TULP4: variants seen among roughly 807,000 people sequenced by gnomAD.
TULP4 encodes the protein TUB like protein 4, also known as tubby-related protein 4.
Under a neutral mutation model 129.0 loss-of-function variants are expected in TULP4, and 16 were observed. The ratio of observed to expected loss-of-function variants is 0.12; its 90% CI spans 0.08 to 0.19. The LOEUF is 0.19. TULP4 is among the 10% of genes least tolerant of loss of function. The probability of loss-of-function intolerance (pLI) is 1.00; values close to 1 mark genes in which losing one functional copy is unlikely to be tolerated. For missense variants in TULP4, 1,842 were observed against 2,059.1 expected, an observed-to-expected ratio of 0.89 and a Z score of 2.04; for synonymous variants, 998 against 854.0, an observed-to-expected ratio of 1.17 and a Z score of -2.94.
At chr6:158,397,671 A>G (rs972605934) in intron 1 of TULP4, among the ~76,000 whole-genome samples, 1 of 152,192 alleles carries the variant, frequency 6.6e-6, no homozygotes, top group Non-Finnish European at 1.5e-5. Context: ...ACACCCCTGT[A>G]CTAAAGGCTC....
intron 1 of TULP4, among the ~76,000 whole-genome samples, chr6:158,339,909 C>T (rs137966813): frequency 2.0e-5 from 3 of 152,194 alleles, no homozygotes; most frequent in Non-Finnish European, 4.4e-5. Flanking sequence ...CATAGGAAAT[C>T]ACAAGAATAT....
At chr6:158,399,128 A>T (rs1343653894) in intron 1 of TULP4, among the ~76,000 whole-genome samples, 1 of 152,184 alleles carries the variant, frequency 6.6e-6, no homozygotes, top group African/African-American at 2.4e-5. Context: ...GAGTCTGAAG[A>T]TTGGTAGTTT....
intron 1 of TULP4, among the ~76,000 whole-genome samples, chr6:158,343,406 G>A (rs762032210): frequency 4.6e-5 from 7 of 152,124 alleles, no homozygotes; most frequent in African/African-American, 1.2e-4. Context: ...TGAGTGTTAC[G>A]GGCTGAACAT....
intron 1 of TULP4, among the ~76,000 whole-genome samples, chr6:158,400,355 A>G (rs1200544381): frequency 6.6e-6 from 1 of 152,200 alleles, no homozygotes; most frequent in Non-Finnish European, 1.5e-5. Context: ...ATTACAGTCA[A>G]CCCAAAAGAA....
intron 2 of TULP4, among the ~76,000 whole-genome samples, chr6:158,423,084 C>T (rs1778388026): frequency 6.8e-6 from 1 of 146,638 alleles, no homozygotes; most frequent in Non-Finnish European, 1.5e-5. Flanking sequence ...GGAGACCTGC[C>T]TGGGCAATAC....
At chr6:158,363,062 C>CAAAAAA (rs11373437) in intron 1 of TULP4, among the ~76,000 whole-genome samples, 3 of 87,994 alleles carry the variant, frequency 3.4e-5, no homozygotes, top group South Asian at 4.5e-4. Context: ...GACTCCATCT[C>CAAAAAA]AAAAAAAAAA....
chr6:158,355,110 C>T lies in TULP4; in HGVS notation c.252+40842C>T, dbSNP rs553525475. On this transcript the variant is annotated intron_variant, in intron 1 of 13. Coordinates refer to ENST00000367097, the MANE Select transcript of TULP4 (RefSeq NM_020245.5). Reference sequence around the variant, plus strand: ...TTTTTGAGACAAAGTCTTGCTCTGTCACCTAGACTGGAGTACAGTGGCACA... The same window carrying T: ...TTTTTGAGACAAAGTCTTGCTCTGTTACCTAGACTGGAGTACAGTGGCACA... Among the ~76,000 whole-genome samples, 17 of 151,684 alleles carry T rather than the reference C, an allele frequency of 1.1e-4. No homozygotes were observed. In the South Asian group the frequency reaches 3.3e-3, roughly 30 times the overall value.
intron 1 of TULP4, among the ~76,000 whole-genome samples, chr6:158,342,929 C>T (rs567179410): frequency 7.1e-5 from 10 of 140,154 alleles, no homozygotes; most frequent in Middle Eastern, 3.8e-3. Flanking sequence ...CTATAGTGAA[C>T]GATGAGATTA....
At chr6:158,411,126 G>GAAAAAA (rs79023085) in intron 1 of TULP4, among the ~76,000 whole-genome samples, 1 of 52,166 alleles carries the variant, frequency 1.9e-5, no homozygotes, top group African/African-American at 6.2e-5. Context: ...AGGTAAAAGT[G>GAAAAAA]AAAAAAAAAA....
chr6:158,414,903 G>T (rs1778174421), intron 2 of TULP4, among the ~76,000 whole-genome samples: 1 of 152,192 alleles, frequency 6.6e-6, no homozygotes, highest in African/African-American at 2.4e-5. Flanking sequence ...TAGAAGAGAA[G>T]AATCCAGGTC....
chr6:158,357,674 G>A (rs191248945), intron 1 of TULP4, among the ~76,000 whole-genome samples: 18 of 152,242 alleles, frequency 1.2e-4, no homozygotes, highest in African/African-American at 3.6e-4. Flanking sequence ...CTCTGATGCC[G>A]AGGCCTGGCC....
intron 1 of TULP4, among the ~76,000 whole-genome samples, chr6:158,406,228 T>G (rs752288542): frequency 2.4e-4 from 37 of 152,176 alleles, no homozygotes; most frequent in Admixed American, 4.6e-4. Flanking sequence ...TTAGGAAAGC[T>G]TATTCACCTC....
intron 1 of TULP4, among the ~76,000 whole-genome samples, chr6:158,332,200 A>AATATATATATATATAT (rs776893885): frequency 1.7e-3 from 31 of 17,942 alleles, no homozygotes; most frequent in African/African-American, 5.4e-3. Flanking sequence ...AAAAAAAAAA[A>AATATATATATATATAT]ATATATATAT....
intron 1 of TULP4, among the ~76,000 whole-genome samples, chr6:158,253,635 T>C (rs569957773): frequency 1.3e-5 from 2 of 151,810 alleles, no homozygotes; most frequent in East Asian, 3.8e-4. Context: ...TAGTAGCTTC[T>C]ATTTGTGCAT....
At chr6:158,374,237 T>C (rs1428109136) in intron 1 of TULP4, among the ~76,000 whole-genome samples, 1 of 150,188 alleles carries the variant, frequency 6.7e-6, no homozygotes, top group Non-Finnish European at 1.5e-5. Context: ...CAGTGCACTA[T>C]GATTGCGCCA....
At chr6:158,248,304 C>T (rs947363479) in intron 1 of TULP4, among the ~76,000 whole-genome samples, 4 of 151,800 alleles carry the variant, frequency 2.6e-5, no homozygotes, top group Non-Finnish European at 5.9e-5. Context: ...GAGTCTCGCT[C>T]TGTTGCCCAG....
chr6:158,404,988 T>TA (rs933106051), intron 1 of TULP4, among the ~76,000 whole-genome samples: 15 of 150,890 alleles, frequency 9.9e-5, no homozygotes, highest in African/African-American at 1.5e-4. Context: ...ATTTTTAAGT[T>TA]AAAAAAAAAG....
chr6:158,270,428 C>T (rs757313388), intron 1 of TULP4, among the ~76,000 whole-genome samples: 1 of 152,100 alleles, frequency 6.6e-6, no homozygotes, highest in Non-Finnish European at 1.5e-5. Flanking sequence ...GTTTATTTTG[C>T]CCATCTTCTC....
chr6:158,425,364 TTAGCCAGGTATGG>T (rs1211409914), intron 2 of TULP4, among the ~76,000 whole-genome samples: 1 of 150,678 alleles, frequency 6.6e-6, no homozygotes, highest in East Asian at 2.0e-4. Flanking sequence ...AAATACAAAA[TTAGCCAGGTATGG>T]TAGCAGGCGC....
Sources: gnomAD v4.1 joint callset for allele counts (sites outside exome capture counted in the v4.1 genomes callset) on GRCh38, gnomAD v4.1.1 for gene constraint, MANE v1.5 for transcripts, NCBI Gene and HGNC (gene_info 2026-07-23, HGNC 2026-07-21) for gene names.